The following UNC5C variants were observed in gnomAD, a reference collection of about 807,000 sequenced individuals.
UNC5C encodes the protein netrin receptor UNC5C.
A neutral mutation model predicts 99.8 loss-of-function variants in UNC5C; 47 were observed. That is an observed-to-expected ratio of 0.47 (90% CI 0.37 to 0.60). The LOEUF (loss-of-function observed/expected upper bound fraction) is 0.60, where lower values mean the gene tolerates loss of function less well. Ranked by LOEUF, UNC5C falls within the 20% of genes least tolerant of loss-of-function variation. UNC5C has a pLI of 0.00. For missense variants in UNC5C, 1,062 were observed against 1,165.9 expected (o/e 0.91, Z 1.30); for synonymous variants, 487 against 452.2 (o/e 1.08, Z -0.98).
chr4:95,173,079 T>C (rs1320453801), intron 14 of UNC5C, among the ~76,000 whole-genome samples: 22 of 151,830 alleles, frequency 1.4e-4, no homozygotes, highest in Non-Finnish European at 2.5e-4. Context: ...GTGATTTTTG[T>C]ACATTGATTT....
At chr4:95,443,724 G>A (rs917262326) in intron 1 of UNC5C, among the ~76,000 whole-genome samples, 12 of 151,972 alleles carry the variant, frequency 7.9e-5, no homozygotes, top group African/African-American at 2.4e-4. Flanking sequence ...TCAATATTAA[G>A]GGGTATAGAA....
chr4:95,398,791 A>C (rs1388128821), intron 1 of UNC5C, among the ~76,000 whole-genome samples: 1 of 152,088 alleles, frequency 6.6e-6, no homozygotes, highest in African/African-American at 2.4e-5. Context: ...TTGCTTTTTA[A>C]TTGGTAGCAA....
chr4:95,360,215 C>A (rs1744346772), intron 1 of UNC5C, among the ~76,000 whole-genome samples: 1 of 152,144 alleles, frequency 6.6e-6, no homozygotes, highest in Non-Finnish European at 1.5e-5. Flanking sequence ...ATTACAATGA[C>A]ATGTTCTTAT....
chr4:95,548,193 G>A (rs547552828), intron 1 of UNC5C, among the ~76,000 whole-genome samples: 1 of 152,190 alleles, frequency 6.6e-6, no homozygotes, highest in Admixed American at 6.5e-5. Flanking sequence ...CGAGGGGGAC[G>A]GGTGCTTTTG....
intron 1 of UNC5C, among the ~76,000 whole-genome samples, chr4:95,451,408 AC>A (rs1333069757): frequency 6.6e-6 from 1 of 152,222 alleles, no homozygotes; most frequent in Non-Finnish European, 1.5e-5. Context: ...GAAAAACCTC[AC>A]CAAGTTTATC....
At chr4:95,448,839 A>G (rs1391900948) in intron 1 of UNC5C, among the ~76,000 whole-genome samples, 3 of 152,310 alleles carry the variant, frequency 2.0e-5, no homozygotes, top group African/African-American at 4.8e-5. Flanking sequence ...TTGTATTTGG[A>G]TGCTAAAATT....
chr4:95,231,880 A>G (rs550618949), intron 7 of UNC5C, among the ~76,000 whole-genome samples: 1 of 152,298 alleles, frequency 6.6e-6, no homozygotes, highest in Admixed American at 6.5e-5. Flanking sequence ...AAATCCTAGG[A>G]CATGACAACA....
chr4:95,255,078 C>A (rs1200178590), intron 4 of UNC5C, among the ~76,000 whole-genome samples: 1 of 152,006 alleles, frequency 6.6e-6, no homozygotes, highest in African/African-American at 2.4e-5. Flanking sequence ...CTCCTGAGTT[C>A]AAGCGATTCC....
intron 3 of UNC5C, among the ~76,000 whole-genome samples, chr4:95,301,362 A>AT (rs1401588888): frequency 5.3e-5 from 8 of 151,888 alleles, no homozygotes; most frequent in African/African-American, 9.7e-5. Context: ...TGCCCGGCTA[A>AT]TTTTTTGTAT....
intron 1 of UNC5C, among the ~76,000 whole-genome samples, chr4:95,369,483 C>T (rs1157450000): frequency 6.6e-6 from 1 of 151,870 alleles, no homozygotes; most frequent in African/African-American, 2.4e-5. Flanking sequence ...GCCCAGGAGG[C>T]AGAGATTGCA....
chr4:95,315,945 A>G (rs768804119), intron 2 of UNC5C, among the ~76,000 whole-genome samples: 2 of 152,166 alleles, frequency 1.3e-5, no homozygotes, highest in Non-Finnish European at 2.9e-5. Flanking sequence ...TTTTACTTCC[A>G]AGTTGGAATG....
intron 1 of UNC5C, among the ~76,000 whole-genome samples, chr4:95,350,258 T>G (rs2149428866): frequency 6.6e-6 from 1 of 152,126 alleles, no homozygotes; most frequent in Admixed American, 6.6e-5. Context: ...GAGGCCGAAG[T>G]GGGCAGATCA....
intron 1 of UNC5C, among the ~76,000 whole-genome samples, chr4:95,546,667 C>T (rs116544317): frequency 0.017 from 2,585 of 152,308 alleles, 35 homozygotes; most frequent in Non-Finnish European, 0.028. Flanking sequence ...AATCAGTCCC[C>T]AATCTTTAAC....
At chr4:95,280,449 GAGGCCA>G (rs1332385099) in intron 3 of UNC5C, among the ~76,000 whole-genome samples, 2 of 152,168 alleles carry the variant, frequency 1.3e-5, no homozygotes, top group African/African-American at 4.8e-5. Flanking sequence ...AGTACTTTGG[GAGGCCA>G]AGGCAGGTGA....
chr4:95,258,436 C>T (rs976077951), intron 4 of UNC5C, among the ~76,000 whole-genome samples: 13 of 152,008 alleles, frequency 8.6e-5, no homozygotes, highest in African/African-American at 3.1e-4. Flanking sequence ...AAAAATATTC[C>T]AAGAGAAAGA....
intron 14 of UNC5C, among the ~76,000 whole-genome samples, chr4:95,171,228 T>A (rs950824266): frequency 4.6e-5 from 7 of 152,032 alleles, no homozygotes; most frequent in South Asian, 2.1e-4. Context: ...TTTTTTTCTT[T>A]TTTATTTATT....
intron 1 of UNC5C, among the ~76,000 whole-genome samples, chr4:95,463,366 G>A (rs1434334103): frequency 6.6e-6 from 1 of 152,120 alleles, no homozygotes; most frequent in East Asian, 1.9e-4. Context: ...AAGATGCCAG[G>A]CTCTCCTGAT....
chr4:95,191,410 G>A (rs944783999), intron 12 of UNC5C, among the ~76,000 whole-genome samples: 2 of 152,126 alleles, frequency 1.3e-5, no homozygotes, highest in Non-Finnish European at 2.9e-5. Context: ...GGTCCAGGCT[G>A]AAGCTGGGTT....
chr4:95,256,856 C>T (rs567824671), intron 4 of UNC5C, among the ~76,000 whole-genome samples: 1 of 151,774 alleles, frequency 6.6e-6, no homozygotes, highest in East Asian at 2.0e-4. Flanking sequence ...AGGAAGGGTC[C>T]AGCATGGGAC....
Sources: gnomAD v4.1 joint callset for allele counts (sites outside exome capture counted in the v4.1 genomes callset) on GRCh38, gnomAD v4.1.1 for gene constraint, MANE v1.5 for transcripts, NCBI Gene and HGNC (gene_info 2026-07-23, HGNC 2026-07-21) for gene names.